TBXAS1: variants seen among roughly 807,000 people sequenced by gnomAD.
TBXAS1 encodes thromboxane A synthase 1.
Under a neutral mutation model 60.7 loss-of-function variants are expected in TBXAS1, and 48 were observed. The observed-to-expected ratio is 0.79, with a 90% CI of 0.63 to 1.01. TBXAS1 has a LOEUF of 1.01. TBXAS1 is among the 50% of genes least tolerant of loss of function. The pLI is 0.00. For missense variants in TBXAS1, 685 were observed against 686.3 expected (o/e 1.00, Z 0.02); for synonymous variants, 287 against 269.7 (o/e 1.06, Z -0.63).
rs76023745 is a variant in TBXAS1 at position 139,885,168 on chromosome 7, G to C, written c.236+9531G>C. Among the ~76,000 whole-genome samples the C allele has an allele frequency of 8.6e-3, 1,312 of 152,268 alleles. 8 individuals carry two copies. Among genetic ancestry groups the C allele is most frequent in the Non-Finnish European group, 0.011 (782 of 68,012 alleles). On this transcript the variant is annotated intron_variant, in intron 3 of 12. Transcript: ENST00000448866. ...CATCCAAAATCTACCATGGAGAACT[G>C]TATATCACGTTCAAGGTGGAAGGGA...
chr7:139,802,164 C>T (rs925195761), intron 4 of TBXAS1, among the ~76,000 whole-genome samples: 1 of 152,178 alleles, frequency 6.6e-6, no homozygotes, highest in African/African-American at 2.4e-5. Flanking sequence ...ATCTGTCCCT[C>T]CATCAAATGT....
At chr7:139,964,033 A>G (rs1810580371) in intron 9 of TBXAS1, among the ~76,000 whole-genome samples, 1 of 152,188 alleles carries the variant, frequency 6.6e-6, no homozygotes, top group African/African-American at 2.4e-5. Context: ...TAAAATTCCC[A>G]GAAAGAGTCA....
In TBXAS1 at chr7:140,017,667, G is replaced by T. The variant is rs1266473969; in HGVS notation, c.1365-4G>T. ...GGGCCAGCCCTGACCACACGGACCTGCAGGTTCACGGCTGAGGCCCGGCAG... is the reference window on the plus strand; with the variant it reads ...GGGCCAGCCCTGACCACACGGACCTTCAGGTTCACGGCTGAGGCCCGGCAG... On this transcript the variant is annotated splice_region_variant and splice_polypyrimidine_tract_variant and intron_variant, in intron 11 of 12. Transcript: ENST00000448866. The T allele has an allele frequency of 6.2e-7, 1 of 1,612,670 alleles. No homozygotes were observed. Among genetic ancestry groups the T allele is most frequent in the Non-Finnish European group, 8.5e-7 (1 of 1,179,662 alleles).
At chr7:139,878,097 T>TTG (rs573781059) in intron 3 of TBXAS1, among the ~76,000 whole-genome samples, 6,795 of 127,988 alleles carry the variant, frequency 0.053, 477 homozygotes, top group African/African-American at 0.19. Flanking sequence ...TATGAACTAG[T>TTG]TGTGTGTGTG....
Position 139,975,207 on chromosome 7 carries a change from C to T in TBXAS1, c.1134+12974C>T, listed in dbSNP as rs1405052304. ...AAAGTCAGCTGATTTTAAGTGTTAA[C>T]CATATCTACCGAAGACCTTCCCAGC... On this transcript the variant is annotated intron_variant, in intron 9 of 12. Coordinates refer to ENST00000448866, the MANE Select transcript of TBXAS1 (RefSeq NM_001061.7). The surrounding 1 kb of genome is among the most constrained non-coding windows in gnomAD (Gnocchi z 4.4). Among the ~76,000 whole-genome samples, 1 of 152,160 alleles carries T rather than the reference C, an allele frequency of 6.6e-6. No homozygotes were observed. Among genetic ancestry groups the T allele is most frequent in the Non-Finnish European group, 1.5e-5 (1 of 68,042 alleles).
chr7:140,012,975 G>C (rs373253604), intron 10 of TBXAS1, among the ~76,000 whole-genome samples: 22 of 152,024 alleles, frequency 1.4e-4, no homozygotes, highest in African/African-American at 4.8e-4. Context: ...GGGTTACAGA[G>C]GTTTAAGGTA....
Position 139,955,626 on chromosome 7 carries a change from CG to C in TBXAS1, c.688+23del, listed in dbSNP as rs751328158. ...TTACTCTGTAAGTGCGGCTGCAGCC[CG>C]GGGCGCTGCGATGACTCCAGCAAGT... On this transcript the variant is annotated intron_variant, in intron 7 of 12. Coordinates refer to ENST00000448866, the MANE Select transcript of TBXAS1 (RefSeq NM_001061.7). 2 of 1,613,514 alleles carry C rather than the reference CG, an allele frequency of 1.2e-6. No homozygotes were observed. The highest frequency in any genetic ancestry group is 3.3e-5 in the Admixed American group (2 of 60,028).
intron 10 of TBXAS1, among the ~76,000 whole-genome samples, chr7:140,014,053 T>C (rs990186810): frequency 4.6e-5 from 7 of 152,184 alleles, no homozygotes; most frequent in African/African-American, 1.7e-4. Flanking sequence ...CAGCTCCCTG[T>C]TCTAGGCAGC....
At chr7:139,826,158 G>C (rs1490918022), upstream of TBXAS1, among the ~76,000 whole-genome samples, 1 of 152,154 alleles carries the variant, frequency 6.6e-6, no homozygotes, top group East Asian at 1.9e-4. Flanking sequence ...CCATCATCCT[G>C]CAGTGTTCCT....
chr7:139,828,463 T>C (rs957243648), upstream of TBXAS1, among the ~76,000 whole-genome samples: 13 of 152,342 alleles, frequency 8.5e-5, no homozygotes, highest in African/African-American at 3.1e-4. Flanking sequence ...GAGTGTCTTC[T>C]GGGTCCTGCA....
At chr7:139,890,207 C>CTT (rs57305084) in intron 3 of TBXAS1, among the ~76,000 whole-genome samples, 3,413 of 85,590 alleles carry the variant, frequency 0.04, 568 homozygotes, top group African/African-American at 0.055. Context: ...AGGATGCAGT[C>CTT]TTTTTTTTTT....
chr7:139,801,828 A>T (rs1052063002), intron 4 of TBXAS1, among the ~76,000 whole-genome samples: 2 of 152,032 alleles, frequency 1.3e-5, no homozygotes, highest in Admixed American at 6.6e-5. Flanking sequence ...CAGTGGCCTG[A>T]TATCTGCTCT....
chr7:139,905,000 T>C lies in TBXAS1; in HGVS notation c.237-6225T>C, dbSNP rs141425937. On this transcript the variant is annotated intron_variant, in intron 3 of 12. Transcript: ENST00000448866. The stretch of plus-strand genomic sequence containing the variant: ...TTCTTTCTCTTTCTCTCTTTCTCTC[T>C]TTCTCTCTTTCTTTCTTTCTTTCTT... 5.8e-3 allele frequency among the ~76,000 whole-genome samples: 553 copies of C among 95,292 alleles called. 5 individuals are homozygous for C. Among genetic ancestry groups the C allele is most frequent in the South Asian group, 0.02 (54 of 2,652 alleles). The allele number at this position is 95,292 out of a possible 152,430, so 62.5% of individuals were successfully genotyped here.
At chr7:139,897,620 A>G (rs1051292905) in intron 3 of TBXAS1, among the ~76,000 whole-genome samples, 1 of 152,184 alleles carries the variant, frequency 6.6e-6, no homozygotes. Flanking sequence ...GAAGAGGACC[A>G]GGGATTGTAC....
intron 9 of TBXAS1, among the ~76,000 whole-genome samples, chr7:139,978,933 C>T (rs544281294): frequency 5.3e-5 from 8 of 151,936 alleles, no homozygotes; most frequent in South Asian, 2.1e-4. Flanking sequence ...CTAGCATGGG[C>T]GACAAAACAA....
intron 3 of TBXAS1, among the ~76,000 whole-genome samples, chr7:139,881,360 A>C (rs1161674109): frequency 6.6e-6 from 1 of 151,904 alleles, no homozygotes; most frequent in Non-Finnish European, 1.5e-5. Flanking sequence ...ATAAACTTTC[A>C]TTTTTCTAGT....
intron 3 of TBXAS1, among the ~76,000 whole-genome samples, chr7:139,783,892 C>A (rs1446434190): frequency 6.6e-6 from 1 of 152,108 alleles, no homozygotes; most frequent in Non-Finnish European, 1.5e-5. Context: ...TTCTTAGCCC[C>A]TCCCCTGCTT....
chr7:139,873,059 G>A (rs1460140685), intron 2 of TBXAS1, among the ~76,000 whole-genome samples: 3 of 152,200 alleles, frequency 2.0e-5, no homozygotes, highest in African/African-American at 4.8e-5. Flanking sequence ...TCAGAGGAGA[G>A]GGTGATCTGT....
chr7:139,799,854 A>G (rs1585523476), intron 4 of TBXAS1, among the ~76,000 whole-genome samples: 1 of 152,136 alleles, frequency 6.6e-6, no homozygotes, highest in East Asian at 1.9e-4. Context: ...GAGGTCTCCT[A>G]ATTTCCTAGG....
Sources: gnomAD v4.1 joint callset for allele counts (sites outside exome capture counted in the v4.1 genomes callset) on GRCh38, gnomAD v4.1.1 for gene constraint, Gnocchi (gnomAD v3.1) non-coding constraint, MANE v1.5 for transcripts, NCBI Gene and HGNC (gene_info 2026-07-23, HGNC 2026-07-21) for gene names.